SNX16: variants seen among roughly 807,000 people sequenced by gnomAD.
SNX16 encodes the protein sorting nexin 16.
Under a neutral mutation model 36.7 loss-of-function variants are expected in SNX16, and 35 were observed. That is an observed-to-expected ratio of 0.95 (90% CI 0.73 to 1.27). The LOEUF is 1.27. Ranked by LOEUF, SNX16 falls within the 50% of genes most tolerant of loss-of-function variation. SNX16 has a pLI of 0.00. For synonymous variants in SNX16, 134 were observed against 132.0 expected (o/e 1.02, Z -0.10); for missense variants, 367 against 393.6 (o/e 0.93, Z 0.57).
At chr8:81,821,120 G>A (rs1028810942) in intron 4 of SNX16, among the ~76,000 whole-genome samples, 3 of 149,594 alleles carry the variant, frequency 2.0e-5, no homozygotes, top group African/African-American at 7.4e-5. Flanking sequence ...AGGCATACTA[G>A]ATTCTTTCAT....
At chr8:81,824,541 A>G (rs1378382247) in intron 3 of SNX16, among the ~76,000 whole-genome samples, 3 of 152,040 alleles carry the variant, frequency 2.0e-5, no homozygotes, top group African/African-American at 7.3e-5. Context: ...TCATAAAAAA[A>G]GTCTGCTTAC....
intron 2 of SNX16, among the ~76,000 whole-genome samples, chr8:81,833,615 T>C (rs1811363877): frequency 6.6e-6 from 1 of 152,194 alleles, no homozygotes; most frequent in African/African-American, 2.4e-5. Context: ...GCACTTCATA[T>C]AATAATTAGG....
At chr8:81,803,611 T>G (rs1362799417) in intron 5 of SNX16, among the ~76,000 whole-genome samples, 1 of 151,976 alleles carries the variant, frequency 6.6e-6, no homozygotes, top group East Asian at 1.9e-4. Flanking sequence ...ACTTAAAAAA[T>G]ATCAACTGTG....
At position 81,806,713 on chromosome 8, in the gene SNX16, C is replaced by T. The variant is rs188969384; in HGVS notation, c.682-3485G>A. On this transcript the variant is annotated intron_variant, in intron 5 of 7. Coordinates refer to ENST00000345957, the MANE Select transcript of SNX16 (RefSeq NM_152836.3). ...CAGAAAAATGAAATGAAAGATATTACGTATTAGGAAAAAACACATTGTTAA... is the reference window on the plus strand; with the variant it reads ...CAGAAAAATGAAATGAAAGATATTATGTATTAGGAAAAAACACATTGTTAA... Among the ~76,000 whole-genome samples, 6 of 151,850 alleles carry T rather than the reference C, an allele frequency of 4.0e-5. No homozygotes were observed. In the East Asian group the frequency reaches 5.8e-4, roughly 15 times the overall value.
At position 81,799,638 on chromosome 8, in the gene SNX16, A is replaced by T. The variant is rs1226696607; in HGVS notation, c.*1859T>A. On this transcript the variant is annotated 3_prime_UTR_variant, in exon 8 of 8. Transcript: ENST00000345957. ...CATAATACTGGGAGTAAAATGCATT[A>T]TAAAAGTAAAAAAAAGTAAATTATA... The T allele has an allele frequency of 6.6e-6, 1 of 152,020 alleles. No homozygotes were observed. Among genetic ancestry groups the T allele is most frequent in the East Asian group, 1.9e-4 (1 of 5,208 alleles). The allele number at this position is 152,020 out of a possible 1,614,324, so 9.4% of individuals were successfully genotyped here.
At chr8:81,811,538 T>C (rs1210725114) in intron 5 of SNX16, among the ~76,000 whole-genome samples, 1 of 152,056 alleles carries the variant, frequency 6.6e-6, no homozygotes, top group Non-Finnish European at 1.5e-5. Flanking sequence ...CATTAAGCTA[T>C]GCAGAAATAC....
At chr8:81,811,340 G>C (rs987849260) in intron 5 of SNX16, among the ~76,000 whole-genome samples, 15 of 152,120 alleles carry the variant, frequency 9.9e-5, no homozygotes, top group African/African-American at 3.4e-4. Flanking sequence ...CAGGACAACA[G>C]AGCCCATATG....
At chr8:81,831,269 T>G (rs1811255127) in intron 2 of SNX16, among the ~76,000 whole-genome samples, 1 of 152,150 alleles carries the variant, frequency 6.6e-6, no homozygotes, top group Non-Finnish European at 1.5e-5. Context: ...ATGTGAGACC[T>G]AATTAAAATA....
At chr8:81,802,591 G>T in intron 6 of SNX16, 92 bp from the exon 7 acceptor site, 2 of 1,098,706 alleles carry the variant, frequency 1.8e-6, no homozygotes, top group East Asian at 2.7e-5. Context: ...GCAGTCTTTA[G>T]CTGTTAAGCC....
In SNX16 at chr8:81,807,960, CA is replaced by C; in HGVS notation, c.682-4733del. Reference sequence around the variant, plus strand: ...GGGGCTTTGGGTTTGTCACATATGCCACTGTGGGGGAGGTGGATGCAGCCGT... The same window carrying C: ...GGGGCTTTGGGTTTGTCACATATGCCCTGTGGGGGAGGTGGATGCAGCCGT... On this transcript the variant is annotated intron_variant, in intron 5 of 7. Coordinates refer to ENST00000345957, the MANE Select transcript of SNX16 (RefSeq NM_152836.3). 3 of 786,810 alleles carry C rather than the reference CA, an allele frequency of 3.8e-6. No individual in the cohort carries two copies. In the South Asian group the frequency reaches 4.0e-5, roughly 11 times the overall value. The allele number at this position is 786,810 out of a possible 1,614,324, so 48.7% of individuals were successfully genotyped here.
intron 4 of SNX16, 80 bp downstream of exon 4, chr8:81,823,708 ATAAC>A: frequency 3.2e-6 from 4 of 1,242,434 alleles, no homozygotes; most frequent in Non-Finnish European, 4.4e-6. Context: ...TTGTGCTTAA[ATAAC>A]TATGATCATA....
At chr8:81,834,775 C>A (rs1268603280) in intron 2 of SNX16, among the ~76,000 whole-genome samples, 1 of 152,254 alleles carries the variant, frequency 6.6e-6, no homozygotes, top group Non-Finnish European at 1.5e-5. Flanking sequence ...AGCTCCACCC[C>A]TGGGGCTTTG....
chr8:81,808,004 A>G, intron 5 of SNX16: 1 of 826,490 alleles, frequency 1.2e-6, no homozygotes, highest in Non-Finnish European at 2.1e-6. Flanking sequence ...AGGCCACAGA[A>G]GGTGGATGGA....
intron 5 of SNX16, among the ~76,000 whole-genome samples, chr8:81,805,969 AG>A (rs1809922644): frequency 2.6e-5 from 4 of 152,180 alleles, no homozygotes; most frequent in Non-Finnish European, 4.4e-5. Context: ...AAAATGGTCA[AG>A]TTCTAGAAAA....
chr8:81,840,156 C>G, intron 1 of SNX16, 74 bp from the exon 2 acceptor site: 3 of 700,882 alleles, frequency 4.3e-6, no homozygotes, highest in Non-Finnish European at 6.7e-6. Flanking sequence ...GTATTCTTTT[C>G]AATTTTATGA....
chr8:81,838,561 T>A (rs553305368), intron 2 of SNX16, among the ~76,000 whole-genome samples: 9 of 148,956 alleles, frequency 6.0e-5, no homozygotes, highest in African/African-American at 2.2e-4. Context: ...GCCTGATTAA[T>A]TGGTCCCATC....
chr8:81,800,172 A>G lies in SNX16; in HGVS notation c.*1325T>C, dbSNP rs905168279. On this transcript the variant is annotated 3_prime_UTR_variant, in exon 8 of 8. Coordinates refer to ENST00000345957, the MANE Select transcript of SNX16 (RefSeq NM_152836.3). ...GATAAACTTTTAGATAGTAAAGAAA[A>G]AAATGGAGATTGTTATTCTATTTCC... is the stretch of plus-strand genomic sequence containing the variant. 1 of 151,938 alleles carries G rather than the reference A, an allele frequency of 6.6e-6. No homozygotes were observed. Among genetic ancestry groups the G allele is most frequent in the African/African-American group, 2.4e-5 (1 of 41,458 alleles). 9.4% of individuals were successfully genotyped at this position (151,938 alleles called of 1,614,324 possible).
chr8:81,817,598 T>C (rs1810551384), intron 4 of SNX16, among the ~76,000 whole-genome samples: 1 of 152,206 alleles, frequency 6.6e-6, no homozygotes, highest in Non-Finnish European at 1.5e-5. Context: ...GGCTTTACAA[T>C]GTTAATTTAC....
chr8:81,816,029 T>C (rs1382703150), intron 4 of SNX16, among the ~76,000 whole-genome samples: 1 of 152,130 alleles, frequency 6.6e-6, no homozygotes, highest in Admixed American at 6.5e-5. Context: ...CAAACTTCCT[T>C]ATAATAAAAA....
Sources: gnomAD v4.1 joint callset for allele counts (sites outside exome capture counted in the v4.1 genomes callset) on GRCh38, gnomAD v4.1.1 for gene constraint, MANE v1.5 for transcripts, NCBI Gene and HGNC (gene_info 2026-07-23, HGNC 2026-07-21) for gene names.